The following TENM4 variants were observed in gnomAD, a reference collection of about 807,000 sequenced individuals.
TENM4 encodes the protein teneurin-4.
In TENM4, 82 loss-of-function variants were observed where a neutral mutation model predicts 243.3. The observed-to-expected ratio is 0.34, with a 90% CI of 0.28 to 0.40. TENM4 has a LOEUF of 0.40. Ranked by LOEUF, TENM4 falls within the 10% of genes least tolerant of loss-of-function variation. The pLI is 1.00. For missense variants in TENM4, 3,138 were observed against 3,673.3 expected, an observed-to-expected ratio of 0.85 and a Z score of 3.77; for synonymous variants, 1,412 against 1,456.3, an observed-to-expected ratio of 0.97 and a Z score of 0.69.
intron 2 of TENM4, among the ~76,000 whole-genome samples, chr11:79,235,117 T>C (rs1864440509): frequency 6.6e-6 from 1 of 151,948 alleles, no homozygotes; most frequent in Non-Finnish European, 1.5e-5. Context: ...ATAGAGACCA[T>C]CCTGGCTAAC....
At position 78,669,668 on chromosome 11, in the gene TENM4, A is replaced by C; in HGVS notation, c.6677T>G (p.Leu2226Arg). ...SYDLNGNLHLLSPGNSARLTP... is the reference protein window; with the variant it reads ...SYDLNGNLHLRSPGNSARLTP... ...GAGCCGTGCACTGTTCCCAGGGCTC[A>C]GTAAGTGCAGGTTCCCATTGAGGTC... The change falls in exon 32 of 34, where the codon CTG (leucine) becomes CGG (arginine). Residue 2226 changes from leucine to arginine, a missense_variant. Around this residue, in one of 2 missense-constraint regions of TENM4, gnomAD observed 2,467 missense variants for 3,059.1 expected, o/e 0.81. Coordinates refer to ENST00000278550, the MANE Select transcript of TENM4 (RefSeq NM_001098816.3). The surrounding 1 kb of genome is among the most constrained non-coding windows in gnomAD (Gnocchi z 6.4). The C allele has an allele frequency of 6.2e-7, 1 of 1,614,024 alleles. No homozygotes were observed. The highest frequency in any genetic ancestry group is 1.1e-5 in the South Asian group (1 of 91,080).
intron 7 of TENM4, among the ~76,000 whole-genome samples, chr11:78,899,562 G>GCA (rs989502193): frequency 7.4e-6 from 1 of 135,250 alleles, no homozygotes; most frequent in African/African-American, 2.8e-5. Context: ...CAAAAAGCGG[G>GCA]GGGGGGGGGA....
chr11:79,131,518 T>G (rs1383598635), intron 4 of TENM4, among the ~76,000 whole-genome samples: 1 of 152,162 alleles, frequency 6.6e-6, no homozygotes, highest in Non-Finnish European at 1.5e-5. Flanking sequence ...CTACAAGAAC[T>G]ACTAAAGGGA....
chr11:79,027,555 T>A (rs1439813414), intron 6 of TENM4, among the ~76,000 whole-genome samples: 1 of 152,220 alleles, frequency 6.6e-6, no homozygotes, highest in Non-Finnish European at 1.5e-5. Context: ...CATCCTTAGT[T>A]TCCTGCCTTC....
At chr11:79,218,834 T>A (rs897633590) in intron 2 of TENM4, among the ~76,000 whole-genome samples, 1 of 152,236 alleles carries the variant, frequency 6.6e-6, no homozygotes, top group Non-Finnish European at 1.5e-5. Context: ...ATTTATATGC[T>A]AGCATTCCGT....
At chr11:78,696,919 C>T (rs547079405) in intron 28 of TENM4, among the ~76,000 whole-genome samples, 1 of 151,980 alleles carries the variant, frequency 6.6e-6, no homozygotes, top group Non-Finnish European at 1.5e-5. Context: ...TTCCCCAGTG[C>T]CTAGGCAGGA....
At chr11:79,389,536 T>C (rs1441774913) in intron 1 of TENM4, among the ~76,000 whole-genome samples, 1 of 152,230 alleles carries the variant, frequency 6.6e-6, no homozygotes, top group African/African-American at 2.4e-5. Context: ...GATTCCAGCA[T>C]GCAGCCAATG....
intron 1 of TENM4, among the ~76,000 whole-genome samples, chr11:79,416,429 A>G (rs537127066): frequency 6.6e-6 from 1 of 152,326 alleles, no homozygotes; most frequent in Admixed American, 6.5e-5. Context: ...TTGAAGTGGT[A>G]TCTTGTGGCG....
In TENM4 at chr11:79,417,706, T is replaced by A. The variant is rs550728457; in HGVS notation, c.-321+22803A>T. On this transcript the variant is annotated intron_variant, in intron 1 of 33. Coordinates refer to ENST00000278550, the MANE Select transcript of TENM4 (RefSeq NM_001098816.3). ...ATGACATCATCTATGTAAAGTGTCC[T>A]TGCTTCATCAGAATAGAATCCAAGC... Among the ~76,000 whole-genome samples, 132 of 152,024 alleles carry A rather than the reference T, an allele frequency of 8.7e-4. No individual in the cohort carries two copies. In the Middle Eastern group the frequency reaches 0.01, roughly 12 times the overall value.
Position 78,658,605 on chromosome 11 carries a change from T to C in TENM4, c.7763A>G (p.Asn2588Ser), listed in dbSNP as rs188600631. The change falls in exon 34 of 34, where the codon AAT (asparagine) becomes AGT (serine). Residue 2588 changes from asparagine to serine, a missense_variant. By Grantham distance (46) the Asn-to-Ser change is conservative. This residue lies in a region of TENM4 where 2,467 missense variants were observed against 3,059.1 expected (regional missense o/e 0.81). Transcript: ENST00000278550. Reference protein sequence around the residue: ...RVTTDIISVANEDGRRVAAIL... With the variant: ...RVTTDIISVASEDGRRVAAIL... ...GGCAGCAACCCTTCGCCCATCCTCA[T>C]TGGCCACACTGATGATGTCTGTGGT... 160 of 1,614,040 alleles carry C rather than the reference T, an allele frequency of 9.9e-5. No individual in the cohort carries two copies. The highest frequency in any genetic ancestry group is 7.5e-4 in the Admixed American group (45 of 60,026).
At chr11:79,371,902 C>A (rs937729602) in intron 1 of TENM4, among the ~76,000 whole-genome samples, 1 of 152,072 alleles carries the variant, frequency 6.6e-6, no homozygotes, top group African/African-American at 2.4e-5. Context: ...GGCAAATGGT[C>A]CCCAAACACC....
intron 6 of TENM4, among the ~76,000 whole-genome samples, chr11:78,966,229 A>G (rs1857435509): frequency 1.3e-5 from 2 of 151,724 alleles, no homozygotes; most frequent in African/African-American, 4.8e-5. Context: ...AAGAGTGCCT[A>G]CTAATTTCTG....
At chr11:79,351,050 C>A (rs936075077) in intron 1 of TENM4, among the ~76,000 whole-genome samples, 4 of 152,132 alleles carry the variant, frequency 2.6e-5, no homozygotes, top group Non-Finnish European at 5.9e-5. Context: ...TCTTCCTGTG[C>A]ACCAGTCATG....
intron 6 of TENM4, among the ~76,000 whole-genome samples, chr11:79,016,283 TAG>T (rs1316715484): frequency 6.6e-6 from 1 of 151,588 alleles, no homozygotes; most frequent in Non-Finnish European, 1.5e-5. Context: ...AGGTTATGAG[TAG>T]AGAGAAAAGT....
rs1393120817 is a variant in TENM4, at chr11:78,854,294, C to T, written c.1491G>A (p.Leu497=). Residue 497 remains leucine, a synonymous_variant, in exon 12 of 34, where the codon CTG becomes CTA. Transcript: ENST00000278550. ...SHTQFDFVEL[L]DGRRLLTQEA... ...CCTGGGTTAGGAGCCTCCTGCCATC[C>T]AGCAGCTCCACAAAGTCAAACTGAA... 6.6e-7 allele frequency: 1 copy of T among 1,513,536 alleles called. No homozygotes were observed. Among genetic ancestry groups the T allele is most frequent in the South Asian group, 1.3e-5 (1 of 78,840 alleles). 93.8% of individuals were successfully genotyped at this position (1,513,536 alleles called of 1,614,324 possible).
At chr11:79,417,603 A>C (rs532169194) in intron 1 of TENM4, among the ~76,000 whole-genome samples, 1 of 151,986 alleles carries the variant, frequency 6.6e-6, no homozygotes, top group African/African-American at 2.4e-5. Flanking sequence ...AAAGAATTAC[A>C]TTGTCCTTTG....
At chr11:79,316,671 CT>C (rs1856808065) in intron 1 of TENM4, among the ~76,000 whole-genome samples, 1 of 152,146 alleles carries the variant, frequency 6.6e-6, no homozygotes, top group African/African-American at 2.4e-5. Context: ...CCTAATATTT[CT>C]GATGGTTTGC....
chr11:78,677,344 T>G (rs1302971047), intron 29 of TENM4, among the ~76,000 whole-genome samples: 1 of 150,682 alleles, frequency 6.6e-6, no homozygotes, highest in Non-Finnish European at 1.5e-5. Flanking sequence ...AACCTCATAC[T>G]CCTCGGCCCA....
intron 3 of TENM4, among the ~76,000 whole-genome samples, chr11:79,155,273 C>A (rs981830525): frequency 6.6e-6 from 1 of 152,228 alleles, no homozygotes. Flanking sequence ...CTACTCTGAA[C>A]TTCTGCTTCA....
Sources: allele counts gnomAD v4.1 joint callset (sites outside exome capture counted in the v4.1 genomes callset), GRCh38; gene constraint gnomAD v4.1.1; regional missense constraint gnomAD v4.1.1; non-coding constraint Gnocchi (gnomAD v3.1); transcripts MANE v1.5; gene names NCBI Gene and HGNC (gene_info 2026-07-23, HGNC 2026-07-21).